Variants in UCHL3 observed in about 807,000 individuals in gnomAD.
UCHL3 encodes the protein ubiquitin carboxyl-terminal hydrolase isozyme L3.
In UCHL3, 22 loss-of-function variants were observed where a neutral mutation model predicts 35.8. The observed-to-expected ratio is 0.61, with a 90% CI of 0.44 to 0.88. UCHL3 has a LOEUF of 0.88. Among genes scored for constraint, UCHL3 ranks in the 40% least tolerant of loss-of-function variants. UCHL3 has a pLI of 0.00. For missense variants in UCHL3, 229 were observed against 276.9 expected (o/e 0.83, Z 1.23); for synonymous variants, 90 against 92.8 (o/e 0.97, Z 0.17).
rs139593169 is a variant in UCHL3, at chr13:75,554,156, G to A, written c.54+4169G>A. ...AGCTCACTGTAACCTTGGAATTCCTGGGCTCAAGCACTCCTCACACCTCAG... is the reference window on the plus strand; with the variant it reads ...AGCTCACTGTAACCTTGGAATTCCTAGGCTCAAGCACTCCTCACACCTCAG... On this transcript the variant is annotated intron_variant, in intron 2 of 8. Transcript: ENST00000377595. Among the ~76,000 whole-genome samples, 199 of 152,124 alleles carry A rather than the reference G, an allele frequency of 1.3e-3. 1 individual carries two copies. The highest frequency in any genetic ancestry group is 4.6e-3 in the African/African-American group (189 of 41,506).
intron 7 of UCHL3, among the ~76,000 whole-genome samples, chr13:75,600,209 CAT>C (rs1422676264): frequency 1.3e-5 from 2 of 152,208 alleles, no homozygotes; most frequent in African/African-American, 4.8e-5. Flanking sequence ...ATCTCCATAA[CAT>C]AAAAGTGCAT....
At chr13:75,579,800 C>CA (rs1329386520) in intron 6 of UCHL3, among the ~76,000 whole-genome samples, 4 of 152,176 alleles carry the variant, frequency 2.6e-5, no homozygotes, top group African/African-American at 9.6e-5. Context: ...TTTTATATCA[C>CA]AACTTTCCAG....
chr13:75,592,426 A>ATC (rs1566227854), intron 6 of UCHL3, among the ~76,000 whole-genome samples: 1 of 71,316 alleles, frequency 1.4e-5, no homozygotes, highest in African/African-American at 5.8e-5. Flanking sequence ...ATATATATAT[A>ATC]TATATATATA....
At position 75,591,935 on chromosome 13, in the gene UCHL3, G is replaced by A. The variant is rs769730327; in HGVS notation, c.475-2980G>A. Among the ~76,000 whole-genome samples the A allele has an allele frequency of 9.9e-5, 15 of 152,202 alleles. 1 individual carries two copies. Among genetic ancestry groups the A allele is most frequent in the South Asian group, 4.1e-4 (2 of 4,826 alleles). On this transcript the variant is annotated intron_variant, in intron 6 of 8. Transcript: ENST00000377595. ...TTTAAAATCCACAATGCTGCAGTTA[G>A]CATTTCCTTTGAACATCCTGTTGGT...
At chr13:75,553,701 A>G (rs2031193929) in intron 2 of UCHL3, among the ~76,000 whole-genome samples, 1 of 152,116 alleles carries the variant, frequency 6.6e-6, no homozygotes, top group Admixed American at 6.6e-5. Flanking sequence ...GTTCCTTGAA[A>G]CCCTAACATT....
intron 2 of UCHL3, 52 bp from the exon 3 acceptor site, chr13:75,560,700 TC>T: frequency 6.6e-7 from 1 of 1,517,508 alleles, no homozygotes; most frequent in Non-Finnish European, 8.9e-7. Flanking sequence ...ATACTAGTTT[TC>T]TTTTACCAAC....
upstream of UCHL3, chr13:75,549,528 T>G: frequency 9.8e-6 from 4 of 407,508 alleles, no homozygotes; most frequent in Non-Finnish European, 1.7e-5. Flanking sequence ...CTCGGAAGAG[T>G]CCAAGCGTGA....
At chr13:75,567,771 C>T (rs2031730893) in intron 5 of UCHL3, among the ~76,000 whole-genome samples, 1 of 152,100 alleles carries the variant, frequency 6.6e-6, no homozygotes, top group Non-Finnish European at 1.5e-5. Context: ...TGGTCTCGAA[C>T]TCCTGGCCTC....
In UCHL3 at chr13:75,605,629, A is replaced by G; in HGVS notation, c.610-100A>G. On this transcript the variant is annotated intron_variant, in intron 8 of 8. Transcript: ENST00000377595. ...TTCTCATTTGGAAAAGGAAGTTTGC[A>G]GTGTAAAATTAGTATGAATTAGAAA... 8 of 1,123,078 alleles carry G rather than the reference A, an allele frequency of 7.1e-6. No homozygotes were observed. In the South Asian group the frequency reaches 1.2e-4, roughly 16 times the overall value. The allele number at this position is 1,123,078 out of a possible 1,614,324, so 69.6% of individuals were successfully genotyped here.
At chr13:75,573,227 G>A (rs1386165641) in intron 6 of UCHL3, among the ~76,000 whole-genome samples, 2 of 145,600 alleles carry the variant, frequency 1.4e-5, no homozygotes, top group African/African-American at 5.2e-5. Context: ...TCCCACCACT[G>A]CACTTCAGGC....
upstream of UCHL3, chr13:75,549,624 T>G: frequency 2.0e-6 from 1 of 493,858 alleles, no homozygotes; most frequent in Non-Finnish European, 3.4e-6. Context: ...CATCTTAATT[T>G]AAAATATGAC....
intron 6 of UCHL3, chr13:75,590,141 C>T (rs1305767968): frequency 7.7e-7 from 1 of 1,299,190 alleles, no homozygotes; most frequent in Non-Finnish European, 1.0e-6. Flanking sequence ...TAAGTTTAGT[C>T]AATCTTCCGT....
rs1227852507 is a variant in UCHL3, at chr13:75,590,310, G to C, written c.475-4605G>C. 4.4e-6 allele frequency: 4 copies of C among 916,214 alleles called. No individual in the cohort carries two copies. The Admixed American group carries it at 2.5e-4, about 57-fold the overall frequency. The allele number at this position is 916,214 out of a possible 1,614,324, so 56.8% of individuals were successfully genotyped here. ...TTGCATTCTAGCTTGACTTTTGCCA[G>C]TGCCTCAGAACATCCATCTTTCCAC... On this transcript the variant is annotated intron_variant, in intron 6 of 8. Transcript: ENST00000377595.
At chr13:75,571,528 A>G (rs947033440) in intron 6 of UCHL3, among the ~76,000 whole-genome samples, 10 of 152,142 alleles carry the variant, frequency 6.6e-5, no homozygotes, top group Admixed American at 5.9e-4. Context: ...TCCCACTGTA[A>G]CTATCTAGGA....
intron 6 of UCHL3, among the ~76,000 whole-genome samples, chr13:75,575,159 T>G (rs2031980694): frequency 6.6e-6 from 1 of 152,198 alleles, no homozygotes; most frequent in Non-Finnish European, 1.5e-5. Context: ...GTAAGTTGAG[T>G]CACCAAAATA....
At chr13:75,577,338 A>T (rs1400470947) in intron 6 of UCHL3, among the ~76,000 whole-genome samples, 1 of 152,210 alleles carries the variant, frequency 6.6e-6, no homozygotes, top group East Asian at 1.9e-4. Flanking sequence ...TTCTCTAAAC[A>T]ATATAGTATA....
rs556604090 is a variant in UCHL3, at chr13:75,564,275, C to T, written c.184-2420C>T. ...GCGCCATTCTCCCACCTCAGCCTCC[C>T]GAGTAGCTGGGACTACAGGTGCCTG... On this transcript the variant is annotated intron_variant, in intron 3 of 8. Coordinates refer to ENST00000377595, the MANE Select transcript of UCHL3 (RefSeq NM_006002.5). Among the ~76,000 whole-genome samples the T allele has an allele frequency of 6.6e-5, 10 of 152,040 alleles. No individual in the cohort carries two copies. In the South Asian group the frequency reaches 8.3e-4, roughly 13 times the overall value.
At chr13:75,595,806 T>C (rs534739902) in intron 7 of UCHL3, among the ~76,000 whole-genome samples, 20 of 151,116 alleles carry the variant, frequency 1.3e-4, no homozygotes, top group Non-Finnish European at 2.8e-4. Flanking sequence ...TTTTTAAGTT[T>C]ACCTTTCAGT....
At chr13:75,605,034 A>T (rs8192763) in intron 8 of UCHL3, 334,356 of 400,926 alleles carry the variant, frequency 0.83, 140,829 homozygotes, top group Middle Eastern at 0.92. Flanking sequence ...AAATGTAAAA[A>T]TTGAAAAGGC....
Sources: gnomAD v4.1 joint callset for allele counts (sites outside exome capture counted in the v4.1 genomes callset) on GRCh38, gnomAD v4.1.1 for gene constraint, MANE v1.5 for transcripts, NCBI Gene and HGNC (gene_info 2026-07-23, HGNC 2026-07-21) for gene names.